The following COL5A2 variants were observed in gnomAD, a reference collection of about 807,000 sequenced individuals.
COL5A2 encodes collagen type V alpha 2 chain, also known as collagen alpha-2(V) chain.
In COL5A2, 23 loss-of-function variants were observed where a neutral mutation model predicts 208.2. The observed-to-expected ratio is 0.11, with a 90% confidence interval of 0.08 to 0.16. The LOEUF is 0.16. Among genes scored for constraint, COL5A2 ranks in the 10% least tolerant of loss-of-function variants. The probability of loss-of-function intolerance (pLI) is 1.00; values close to 1 mark genes in which losing one functional copy is unlikely to be tolerated. For missense variants in COL5A2, 1,590 were observed against 1,956.4 expected, an observed-to-expected ratio of 0.81 and a Z score of 3.53; for synonymous variants, 625 against 628.5, an observed-to-expected ratio of 0.99 and a Z score of 0.08.
intron 7 of COL5A2, among the ~76,000 whole-genome samples, chr2:189,091,375 A>G (rs776208735): frequency 7.9e-5 from 12 of 152,214 alleles, no homozygotes; most frequent in Non-Finnish European, 1.5e-4. Flanking sequence ...AAATGACAAC[A>G]AAGGATTTTG....
chr2:189,434,413 T>C, the COL5A2 span, among the ~76,000 whole-genome samples: 5 of 152,314 alleles, frequency 3.3e-5, no homozygotes, highest in African/African-American at 4.8e-5. Flanking sequence ...GATGACATGA[T>C]TGTATATTTA....
chr2:189,385,854 T>C, the COL5A2 span, among the ~76,000 whole-genome samples: 1 of 152,080 alleles, frequency 6.6e-6, no homozygotes, highest in Non-Finnish European at 1.5e-5. Context: ...AAAATAAGTT[T>C]ATTCATCTGT....
the COL5A2 span, among the ~76,000 whole-genome samples, chr2:189,440,939 C>G: frequency 1.3e-5 from 2 of 152,124 alleles, no homozygotes; most frequent in African/African-American, 4.8e-5. Context: ...TGTGGAGATT[C>G]TGTAGTAACC....
At chr2:189,239,696 C>A in the COL5A2 span, among the ~76,000 whole-genome samples, 2 of 151,116 alleles carry the variant, frequency 1.3e-5, no homozygotes, top group Admixed American at 1.3e-4. Context: ...GTGCAGCACA[C>A]CAGCATGGCA....
intron 1 of COL5A2, among the ~76,000 whole-genome samples, chr2:189,129,903 A>C (rs990807167): frequency 6.6e-5 from 10 of 152,084 alleles, no homozygotes; most frequent in Admixed American, 1.3e-4. Context: ...TATAAATTAT[A>C]TGAGCATATG....
At chr2:189,318,613 T>C in the COL5A2 span, among the ~76,000 whole-genome samples, 3 of 152,196 alleles carry the variant, frequency 2.0e-5, no homozygotes, top group Non-Finnish European at 2.9e-5. Context: ...TAGTACCTGA[T>C]AGGTAAATGG....
the COL5A2 span, among the ~76,000 whole-genome samples, chr2:189,425,551 C>T: frequency 4.6e-5 from 7 of 152,118 alleles, no homozygotes; most frequent in Admixed American, 6.6e-5. Context: ...TAATACAACA[C>T]GGATAAACCT....
intron 1 of COL5A2, among the ~76,000 whole-genome samples, chr2:189,195,992 A>C (rs1688996637): frequency 6.6e-6 from 1 of 152,230 alleles, no homozygotes; most frequent in African/African-American, 2.4e-5. Flanking sequence ...TGCACAGCAA[A>C]AGAAACTATC....
intron 1 of COL5A2, among the ~76,000 whole-genome samples, chr2:189,126,061 A>G (rs2105744797): frequency 6.6e-6 from 1 of 152,000 alleles, no homozygotes; most frequent in East Asian, 1.9e-4. Flanking sequence ...TAAATTACAA[A>G]CTCCACTATA....
chr2:189,348,197 CT>C, the COL5A2 span, among the ~76,000 whole-genome samples: 1 of 151,994 alleles, frequency 6.6e-6, no homozygotes, highest in Non-Finnish European at 1.5e-5. Flanking sequence ...TTTTTCCTTT[CT>C]GAAAGGCAAG....
the COL5A2 span, among the ~76,000 whole-genome samples, chr2:189,292,167 T>C: frequency 6.6e-6 from 1 of 152,218 alleles, no homozygotes; most frequent in Non-Finnish European, 1.5e-5. Context: ...ATTGTCAATA[T>C]ATACCATGGG....
At chr2:189,263,574 G>A in the COL5A2 span, among the ~76,000 whole-genome samples, 2 of 152,082 alleles carry the variant, frequency 1.3e-5, no homozygotes, top group Non-Finnish European at 2.9e-5. Context: ...GTAGAGTAAT[G>A]CCCTAGGTCT....
the COL5A2 span, among the ~76,000 whole-genome samples, chr2:189,287,633 G>GTA: frequency 1.3e-5 from 2 of 152,146 alleles, no homozygotes; most frequent in Non-Finnish European, 2.9e-5. Context: ...ATTAGTAGTA[G>GTA]TATAAAGGAT....
At chr2:189,068,681 T>C (rs1686205953) in intron 19 of COL5A2, 105 bp downstream of exon 19, 1 of 803,110 alleles carries the variant, frequency 1.2e-6, no homozygotes. Context: ...CCCCTAAATA[T>C]GTACAAATAT....
At chr2:189,435,172 C>A in the COL5A2 span, among the ~76,000 whole-genome samples, 3 of 151,826 alleles carry the variant, frequency 2.0e-5, no homozygotes, top group East Asian at 1.9e-4. Context: ...TACAAAAATT[C>A]ATTCAAGATG....
intron 1 of COL5A2, among the ~76,000 whole-genome samples, chr2:189,113,356 A>C (rs1687320745): frequency 6.6e-6 from 1 of 152,086 alleles, no homozygotes; most frequent in South Asian, 2.1e-4. Flanking sequence ...TTAGCTCAGG[A>C]GTTCTAGGCT....
upstream of COL5A2, among the ~76,000 whole-genome samples, chr2:189,226,886 G>T (rs1212420063): frequency 6.6e-6 from 1 of 152,138 alleles, no homozygotes; most frequent in Non-Finnish European, 1.5e-5. Flanking sequence ...GAATATAAAA[G>T]ATTTGAGCGG....
At chr2:189,183,687 C>T (rs1688810955), upstream of COL5A2, among the ~76,000 whole-genome samples, 1 of 152,116 alleles carries the variant, frequency 6.6e-6, no homozygotes, top group Admixed American at 6.5e-5. Flanking sequence ...CTCCCAAAGT[C>T]CTCTTGATTT....
intron 1 of COL5A2, among the ~76,000 whole-genome samples, chr2:189,150,317 G>A (rs1215248195): frequency 1.3e-5 from 2 of 152,088 alleles, no homozygotes; most frequent in African/African-American, 2.4e-5. Context: ...ACAATCAACT[G>A]AGCACACAAG....
Sources: gnomAD v4.1 joint callset for allele counts (sites outside exome capture counted in the v4.1 genomes callset) on GRCh38, gnomAD v4.1.1 for gene constraint, MANE v1.5 for transcripts, NCBI Gene and HGNC (gene_info 2026-07-23, HGNC 2026-07-21) for gene names.